The following SLC25A24 variants were observed in gnomAD, a reference collection of about 807,000 sequenced individuals.
SLC25A24 encodes the protein mitochondrial adenyl nucleotide antiporter SLC25A24.
Under a neutral mutation model 60.7 loss-of-function variants are expected in SLC25A24, and 49 were observed. The observed-to-expected ratio is 0.81, with a 90% CI of 0.64 to 1.02. The LOEUF (loss-of-function observed/expected upper bound fraction) is 1.02, where lower values mean the gene tolerates loss of function less well. SLC25A24 is among the 50% of genes least tolerant of loss of function. The pLI is 0.00. For missense variants in SLC25A24, 564 were observed against 586.3 expected (o/e 0.96, Z 0.39); for synonymous variants, 202 against 200.6 (o/e 1.01, Z -0.06).
intron 3 of SLC25A24, among the ~76,000 whole-genome samples, chr1:108,167,392 C>T (rs1647224087): frequency 6.6e-6 from 1 of 151,952 alleles, no homozygotes; most frequent in African/African-American, 2.4e-5. Flanking sequence ...CCCCCAGCCT[C>T]GCTGCCGCCT....
chr1:108,181,309 T>C (rs1247680695), intron 3 of SLC25A24, among the ~76,000 whole-genome samples: 2 of 152,350 alleles, frequency 1.3e-5, no homozygotes, highest in African/African-American at 2.4e-5. Flanking sequence ...CTTTCTGTTT[T>C]ACGTTATCAT....
intron 3 of SLC25A24, among the ~76,000 whole-genome samples, chr1:108,166,121 C>A (rs1680246018): frequency 6.6e-6 from 1 of 152,150 alleles, no homozygotes; most frequent in Non-Finnish European, 1.5e-5. Flanking sequence ...GAATATTGGC[C>A]CCCACTCTCT....
At chr1:108,195,493 A>G (rs1047047507) in intron 1 of SLC25A24, among the ~76,000 whole-genome samples, 2 of 152,258 alleles carry the variant, frequency 1.3e-5, no homozygotes, top group East Asian at 3.8e-4. Flanking sequence ...GCAGAGAAGG[A>G]TAACATCAAA....
At position 108,165,532 on chromosome 1, in the gene SLC25A24, C is replaced by G. The variant is rs577014886; in HGVS notation, c.399-4239G>C. Among the ~76,000 whole-genome samples, 58 of 152,184 alleles carry G rather than the reference C, an allele frequency of 3.8e-4. 1 individual carries two copies. The East Asian group carries it at 8.7e-3, about 23-fold the overall frequency. On this transcript the variant is annotated intron_variant, in intron 3 of 9. Transcript: ENST00000565488. The stretch of plus-strand genomic sequence containing the variant: ...TTAGCTCTTCTTGTTGAATTGATCC[C>G]TTTACCATTATGTAATGGCCTTCTT...
chr1:108,157,015 C>T (rs79528719), intron 5 of SLC25A24, among the ~76,000 whole-genome samples: 7,861 of 152,312 alleles, frequency 0.052, 276 homozygotes, highest in South Asian at 0.1. Flanking sequence ...TGCTACACTG[C>T]TAGTAAATAG....
intron 1 of SLC25A24, chr1:108,192,516 G>T: frequency 6.7e-7 from 1 of 1,496,246 alleles, no homozygotes; most frequent in Non-Finnish European, 9.0e-7. Flanking sequence ...TCTAGAGATT[G>T]AATGGCCCCT....
chr1:108,154,488 G>A (rs189491828), intron 6 of SLC25A24, among the ~76,000 whole-genome samples: 1 of 152,256 alleles, frequency 6.6e-6, no homozygotes, highest in African/African-American at 2.4e-5. Context: ...TTCAACACTC[G>A]CTTGAAACTT....
intron 3 of SLC25A24, among the ~76,000 whole-genome samples, chr1:108,164,535 C>T (rs1427324887): frequency 1.3e-5 from 2 of 151,558 alleles, no homozygotes; most frequent in Non-Finnish European, 2.9e-5. Context: ...GTGTATGTGT[C>T]GAGGAATTTA....
At chr1:108,161,926 T>A (rs780632060) in intron 3 of SLC25A24, among the ~76,000 whole-genome samples, 1 of 150,458 alleles carries the variant, frequency 6.6e-6, no homozygotes, top group African/African-American at 2.4e-5. Flanking sequence ...TAGGTATATC[T>A]CCCAATGCCA....
intron 4 of SLC25A24, among the ~76,000 whole-genome samples, chr1:108,160,543 G>A (rs1316400523): frequency 5.9e-5 from 9 of 152,122 alleles, no homozygotes; most frequent in Admixed American, 3.3e-4. Flanking sequence ...CTTCCCAGAC[G>A]GGGTGGCGGC....
At chr1:108,186,471 C>T (rs1171649735) in intron 1 of SLC25A24, among the ~76,000 whole-genome samples, 1 of 152,026 alleles carries the variant, frequency 6.6e-6, no homozygotes, top group Non-Finnish European at 1.5e-5. Context: ...GTAGGAGGAT[C>T]ACTTGAGCCC....
intron 7 of SLC25A24, among the ~76,000 whole-genome samples, chr1:108,146,450 A>G (rs1679596391): frequency 6.6e-6 from 1 of 152,184 alleles, no homozygotes; most frequent in Non-Finnish European, 1.5e-5. Flanking sequence ...TTCCAATACT[A>G]CGTTGAATAG....
intron 6 of SLC25A24, among the ~76,000 whole-genome samples, chr1:108,154,220 T>TGGG (rs5776930): frequency 2.7e-5 from 4 of 150,714 alleles, no homozygotes; most frequent in Non-Finnish European, 5.9e-5. Flanking sequence ...ACAAAAACTA[T>TGGG]GGGGGGGGAG....
At chr1:108,154,183 A>G (rs1001319317) in intron 6 of SLC25A24, among the ~76,000 whole-genome samples, 13 of 149,856 alleles carry the variant, frequency 8.7e-5, no homozygotes, top group Non-Finnish European at 1.3e-4. Flanking sequence ...CACTCTCCAG[A>G]ATAATCTAAA....
At chr1:108,156,838 CT>C (rs1679914585) in intron 5 of SLC25A24, among the ~76,000 whole-genome samples, 1 of 152,206 alleles carries the variant, frequency 6.6e-6, no homozygotes, top group African/African-American at 2.4e-5. Context: ...CATTCCCCCT[CT>C]CATTTGTTGT....
intron 6 of SLC25A24, 83 bp downstream of exon 6, chr1:108,154,900 C>A: frequency 9.5e-7 from 1 of 1,049,714 alleles, no homozygotes. Flanking sequence ...AACAAGAATC[C>A]CAAAAGCATT....
chr1:108,195,660 TC>T (rs1396630793), intron 1 of SLC25A24, among the ~76,000 whole-genome samples: 7 of 152,220 alleles, frequency 4.6e-5, no homozygotes, highest in South Asian at 2.1e-4. Flanking sequence ...TATCATGTCT[TC>T]TTAATATTGT....
At chr1:108,159,002 CA>C (rs1679981027) in intron 4 of SLC25A24, among the ~76,000 whole-genome samples, 1 of 151,764 alleles carries the variant, frequency 6.6e-6, no homozygotes, top group Admixed American at 6.6e-5. Context: ...GACTCCGTCT[CA>C]AAAAAACAAA....
chr1:108,165,301 T>C (rs538262441), intron 3 of SLC25A24, among the ~76,000 whole-genome samples: 2 of 152,346 alleles, frequency 1.3e-5, no homozygotes, highest in East Asian at 1.9e-4. Context: ...TGTAGATGTG[T>C]ATTAGGTCTG....
Sources: gnomAD v4.1 joint callset for allele counts (sites outside exome capture counted in the v4.1 genomes callset) on GRCh38, gnomAD v4.1.1 for gene constraint, MANE v1.5 for transcripts, NCBI Gene and HGNC (gene_info 2026-07-23, HGNC 2026-07-21) for gene names.